Variants in SAMD4A observed in about 807,000 individuals in gnomAD.
The protein encoded by SAMD4A is sterile alpha motif domain containing 4A.
SAMD4A carries 33 observed loss-of-function variants against 81.3 expected under a neutral mutation model. The ratio of observed to expected loss-of-function variants is 0.41; its 90% CI spans 0.31 to 0.54. The LOEUF (loss-of-function observed/expected upper bound fraction) is 0.54, where lower values mean the gene tolerates loss of function less well. SAMD4A is among the 20% of genes least tolerant of loss of function. The pLI, the probability that SAMD4A is intolerant of heterozygous loss-of-function variation, is 0.37. For missense variants in SAMD4A, 854 were observed against 951.1 expected (o/e 0.90, Z 1.34); for synonymous variants, 389 against 382.1 (o/e 1.02, Z -0.21).
chr14:54,638,007 A>G (rs1020003566), intron 2 of SAMD4A, among the ~76,000 whole-genome samples: 2 of 152,206 alleles, frequency 1.3e-5, no homozygotes, highest in African/African-American at 4.8e-5. Context: ...CAGTTATTGC[A>G]CAGAGTCCCA....
intron 2 of SAMD4A, among the ~76,000 whole-genome samples, chr14:54,614,062 C>G (rs2034432091): frequency 1.3e-5 from 2 of 152,150 alleles, no homozygotes; most frequent in Non-Finnish European, 2.9e-5. Flanking sequence ...TTTCTGTGAG[C>G]CTGGATTTTC....
At chr14:54,628,482 G>A (rs1340104193) in intron 2 of SAMD4A, among the ~76,000 whole-genome samples, 1 of 152,164 alleles carries the variant, frequency 6.6e-6, no homozygotes, top group African/African-American at 2.4e-5. Context: ...AGTCAAGCAT[G>A]AGACTATTGG....
intron 2 of SAMD4A, chr14:54,687,159 A>G (rs1229201887): frequency 2.8e-6 from 1 of 353,602 alleles, no homozygotes; most frequent in East Asian, 7.4e-5. Context: ...ACATTATATA[A>G]AGAAGTGATG....
intron 3 of SAMD4A, chr14:54,702,984 C>T (rs533890015): frequency 1.2e-4 from 20 of 170,984 alleles, no homozygotes; most frequent in Non-Finnish European, 1.9e-4. Context: ...CAGGCAGCCT[C>T]ATGGGCTTTG....
intron 2 of SAMD4A, among the ~76,000 whole-genome samples, chr14:54,678,968 G>C (rs898893331): frequency 1.5e-4 from 23 of 152,288 alleles, no homozygotes; most frequent in Middle Eastern, 3.4e-3. Flanking sequence ...CTTTCTCTGT[G>C]CTATGTAAGG....
At chr14:54,752,584 G>A (rs1336585897) in intron 6 of SAMD4A, among the ~76,000 whole-genome samples, 1 of 152,218 alleles carries the variant, frequency 6.6e-6, no homozygotes, top group Non-Finnish European at 1.5e-5. Flanking sequence ...ACAAAGATGT[G>A]TGTGTGTATA....
At chr14:54,692,744 A>G (rs1050873038) in intron 2 of SAMD4A, among the ~76,000 whole-genome samples, 17 of 152,068 alleles carry the variant, frequency 1.1e-4, no homozygotes, top group Admixed American at 1.1e-3. Flanking sequence ...TTTGGTGTAA[A>G]AAACTAGTCG....
At chr14:54,597,467 G>A (rs991817177) in intron 2 of SAMD4A, among the ~76,000 whole-genome samples, 4 of 151,386 alleles carry the variant, frequency 2.6e-5, no homozygotes, top group African/African-American at 9.7e-5. Context: ...TAGAGACAGG[G>A]TTTCTCCATG....
At chr14:54,617,590 C>T (rs929790699) in intron 2 of SAMD4A, among the ~76,000 whole-genome samples, 1 of 152,004 alleles carries the variant, frequency 6.6e-6, no homozygotes, top group African/African-American at 2.4e-5. Context: ...TCTTGTATTC[C>T]GTGTACTGAT....
In SAMD4A at chr14:54,567,887, G is replaced by A; in HGVS notation, c.-30G>A. 6.3e-7 allele frequency: 1 copy of A among 1,591,798 alleles called. No individual in the cohort carries two copies. The highest frequency in any genetic ancestry group is 1.7e-5 in the Admixed American group (1 of 58,464). On this transcript the variant is annotated 5_prime_UTR_variant, in exon 2 of 13. Transcript: ENST00000554335. Reference sequence around the variant, plus strand: ...CGGGGCGGGCTGGGGCGCCCAGGGGGCTCTGTAGACCGAGGGCGGCCCCCT... The same window carrying A: ...CGGGGCGGGCTGGGGCGCCCAGGGGACTCTGTAGACCGAGGGCGGCCCCCT...
chr14:54,569,322 G>C (rs2033059328), intron 2 of SAMD4A, among the ~76,000 whole-genome samples: 1 of 152,196 alleles, frequency 6.6e-6, no homozygotes, highest in Admixed American at 6.5e-5. Flanking sequence ...AGTATGGTGT[G>C]CACGATGGTG....
chr14:54,735,999 T>C (rs2037682563), intron 3 of SAMD4A, among the ~76,000 whole-genome samples: 1 of 152,160 alleles, frequency 6.6e-6, no homozygotes, highest in Non-Finnish European at 1.5e-5. Flanking sequence ...ACAGCAGCAG[T>C]CAAAATAAAC....
At chr14:54,700,145 C>T (rs2036676867) in intron 2 of SAMD4A, among the ~76,000 whole-genome samples, 1 of 152,164 alleles carries the variant, frequency 6.6e-6, no homozygotes. Context: ...TAACATGATT[C>T]CAGCTATGCA....
intron 2 of SAMD4A, among the ~76,000 whole-genome samples, chr14:54,583,608 T>C (rs1380324103): frequency 6.6e-6 from 1 of 152,228 alleles, no homozygotes; most frequent in Non-Finnish European, 1.5e-5. Flanking sequence ...GCTTTCTTCT[T>C]TTCTCTGTAG....
At chr14:54,627,997 A>G (rs1003520306) in intron 2 of SAMD4A, among the ~76,000 whole-genome samples, 1 of 151,824 alleles carries the variant, frequency 6.6e-6, no homozygotes, top group African/African-American at 2.4e-5. Flanking sequence ...AGGTCTGTTT[A>G]TTTTAGCATA....
At chr14:54,768,069 T>A (rs187170943) in intron 8 of SAMD4A, among the ~76,000 whole-genome samples, 1 of 152,338 alleles carries the variant, frequency 6.6e-6, no homozygotes, top group East Asian at 1.9e-4. Flanking sequence ...AGCACATCCA[T>A]GAAATGAGCC....
chr14:54,687,936 C>T (rs746414037), intron 2 of SAMD4A: 11 of 986,198 alleles, frequency 1.1e-5, no homozygotes, highest in Non-Finnish European at 1.3e-5. Context: ...CCCTCTGTGG[C>T]TGATGCCTCT....
At chr14:54,660,071 C>G (rs779161278) in intron 2 of SAMD4A, among the ~76,000 whole-genome samples, 20 of 151,544 alleles carry the variant, frequency 1.3e-4, no homozygotes, top group Non-Finnish European at 2.8e-4. Context: ...CAGAGCGAGA[C>G]TCCGTCTCAG....
At chr14:54,659,171 C>T (rs1412897206) in intron 2 of SAMD4A, among the ~76,000 whole-genome samples, 1 of 152,242 alleles carries the variant, frequency 6.6e-6, no homozygotes, top group Non-Finnish European at 1.5e-5. Flanking sequence ...GTTTCCCCAG[C>T]CTTTTTTTAT....
Sources: gnomAD v4.1 joint callset for allele counts (sites outside exome capture counted in the v4.1 genomes callset) on GRCh38, gnomAD v4.1.1 for gene constraint, MANE v1.5 for transcripts, NCBI Gene and HGNC (gene_info 2026-07-23, HGNC 2026-07-21) for gene names.